RNGTT: variants seen among roughly 807,000 people sequenced by gnomAD.
The protein encoded by RNGTT is mRNA-capping enzyme.
In RNGTT, 33 loss-of-function variants were observed where a neutral mutation model predicts 79.3. The ratio of observed to expected loss-of-function variants is 0.42; its 90% CI spans 0.32 to 0.56. The LOEUF (loss-of-function observed/expected upper bound fraction) is 0.56. Among genes scored for constraint, RNGTT ranks in the 20% least tolerant of loss-of-function variants. The probability of loss-of-function intolerance (pLI) is 0.17; values close to 1 mark genes in which losing one functional copy is unlikely to be tolerated. For missense variants in RNGTT, 497 were observed against 739.1 expected (o/e 0.67, Z 3.80); for synonymous variants, 222 against 235.9 (o/e 0.94, Z 0.54).
At chr6:88,786,155 T>C (rs1222745687) in intron 12 of RNGTT, among the ~76,000 whole-genome samples, 1 of 152,150 alleles carries the variant, frequency 6.6e-6, no homozygotes, top group African/African-American at 2.4e-5. Flanking sequence ...TATTCTGTTT[T>C]TATTTCATAG....
At chr6:88,729,084 A>G (rs78786506) in intron 13 of RNGTT, among the ~76,000 whole-genome samples, 3,204 of 152,240 alleles carry the variant, frequency 0.021, 42 homozygotes, top group Non-Finnish European at 0.032. Flanking sequence ...TCTCTGCTAT[A>G]TGTCAAAGTC....
chr6:88,920,590 C>A (rs930315002), intron 4 of RNGTT, among the ~76,000 whole-genome samples: 1 of 152,032 alleles, frequency 6.6e-6, no homozygotes, highest in Admixed American at 6.6e-5. Flanking sequence ...AATACTGAGG[C>A]CTTTATCTGA....
At chr6:88,825,379 T>C (rs1780624449) in intron 11 of RNGTT, among the ~76,000 whole-genome samples, 1 of 152,180 alleles carries the variant, frequency 6.6e-6, no homozygotes, top group Middle Eastern at 3.2e-3. Context: ...CAAGAATATT[T>C]GGTGGCATAG....
At chr6:88,896,079 CA>C (rs1178312559) in intron 6 of RNGTT, among the ~76,000 whole-genome samples, 1 of 152,170 alleles carries the variant, frequency 6.6e-6, no homozygotes, top group African/African-American at 2.4e-5. Context: ...AGATCCATGG[CA>C]GTAATTTAAA....
chr6:88,671,025 T>C (rs1244802128), intron 14 of RNGTT, among the ~76,000 whole-genome samples: 1 of 152,010 alleles, frequency 6.6e-6, no homozygotes, highest in Non-Finnish European at 1.5e-5. Context: ...TTGAAAACAT[T>C]CCCCCTGAGA....
chr6:88,897,161 A>G (rs992087534), intron 6 of RNGTT, among the ~76,000 whole-genome samples: 1 of 152,110 alleles, frequency 6.6e-6, no homozygotes, highest in African/African-American at 2.4e-5. Context: ...CTTACTTCCT[A>G]TTCAGCCTAG....
intron 13 of RNGTT, among the ~76,000 whole-genome samples, chr6:88,712,841 T>C (rs1411708223): frequency 6.6e-6 from 1 of 152,076 alleles, no homozygotes; most frequent in Non-Finnish European, 1.5e-5. Context: ...GGAGAAAGTG[T>C]GAAAAAGAAA....
At position 88,638,931 on chromosome 6, in the gene RNGTT, A is replaced by G. The variant is rs370241845; in HGVS notation, c.1507-24536T>C. 4.6e-5 allele frequency among the ~76,000 whole-genome samples: 7 copies of G among 152,306 alleles called. No homozygotes were observed. The East Asian group carries it at 9.6e-4, about 21-fold the overall frequency. On this transcript the variant is annotated intron_variant, in intron 14 of 15. Coordinates refer to ENST00000369485, the MANE Select transcript of RNGTT (RefSeq NM_003800.5). ...AATATGTAACTGTCTGCTAAGCCTC[A>G]TATTTTGTATCAGCCAAACTGAATT...
chr6:88,749,767 C>T (rs1777781923), intron 13 of RNGTT, among the ~76,000 whole-genome samples: 1 of 151,984 alleles, frequency 6.6e-6, no homozygotes, highest in African/African-American at 2.4e-5. Context: ...CATAGCAAAC[C>T]ACAACAAAGT....
At chr6:88,675,774 C>T (rs1774850172) in intron 14 of RNGTT, among the ~76,000 whole-genome samples, 1 of 150,100 alleles carries the variant, frequency 6.7e-6, no homozygotes, top group Middle Eastern at 3.5e-3. Flanking sequence ...AAAATTAAAT[C>T]CTGCCCAAGT....
At chr6:88,900,329 C>T (rs1224320889) in intron 6 of RNGTT, among the ~76,000 whole-genome samples, 1 of 151,946 alleles carries the variant, frequency 6.6e-6, no homozygotes, top group East Asian at 1.9e-4. Flanking sequence ...TTTAAAAAAT[C>T]AAATGGAAAT....
At chr6:88,714,737 C>A (rs1453984995) in intron 13 of RNGTT, among the ~76,000 whole-genome samples, 1 of 109,688 alleles carries the variant, frequency 9.1e-6, no homozygotes, top group East Asian at 2.2e-4. Context: ...CCACCGCGCC[C>A]GGCCTAAAAG....
intron 11 of RNGTT, among the ~76,000 whole-genome samples, chr6:88,804,958 T>C (rs563586588): frequency 1.6e-4 from 24 of 152,356 alleles, no homozygotes; most frequent in Admixed American, 5.9e-4. Flanking sequence ...CATAGATCTA[T>C]GTTCATAATC....
chr6:88,884,981 A>T (rs1782809453), intron 8 of RNGTT, among the ~76,000 whole-genome samples: 1 of 152,164 alleles, frequency 6.6e-6, no homozygotes, highest in African/African-American at 2.4e-5. Flanking sequence ...AATGAGAAAA[A>T]ATTCAATAAA....
At chr6:88,656,933 T>A (rs1050102155) in intron 14 of RNGTT, among the ~76,000 whole-genome samples, 1 of 151,830 alleles carries the variant, frequency 6.6e-6, no homozygotes, top group Non-Finnish European at 1.5e-5. Flanking sequence ...CTATAAAAAA[T>A]TTAAAAATTA....
At chr6:88,883,170 C>CAAAAA (rs976114373) in intron 8 of RNGTT, among the ~76,000 whole-genome samples, 5 of 68,886 alleles carry the variant, frequency 7.3e-5, no homozygotes, top group African/African-American at 1.3e-4. Flanking sequence ...CTCTTTATGA[C>CAAAAA]AAAAAAAAAA....
intron 14 of RNGTT, among the ~76,000 whole-genome samples, chr6:88,659,650 T>C (rs753190722): frequency 2.8e-4 from 43 of 150,998 alleles, no homozygotes; most frequent in Non-Finnish European, 5.2e-4. Flanking sequence ...AAATTTGGGA[T>C]TATGTTAAAA....
At chr6:88,897,477 T>C (rs1783290022) in intron 6 of RNGTT, among the ~76,000 whole-genome samples, 1 of 152,200 alleles carries the variant, frequency 6.6e-6, no homozygotes, top group Non-Finnish European at 1.5e-5. Context: ...CCCAAATCTT[T>C]ACTTTCAACT....
At chr6:88,662,089 C>T (rs1349254241) in intron 14 of RNGTT, among the ~76,000 whole-genome samples, 1 of 152,214 alleles carries the variant, frequency 6.6e-6, no homozygotes, top group African/African-American at 2.4e-5. Context: ...CCAGAAAAAG[C>T]ATTTGACAAA....
Sources: gnomAD v4.1 joint callset for allele counts (sites outside exome capture counted in the v4.1 genomes callset) on GRCh38, gnomAD v4.1.1 for gene constraint, MANE v1.5 for transcripts, NCBI Gene and HGNC (gene_info 2026-07-23, HGNC 2026-07-21) for gene names.